ARHGAP42: variants seen among roughly 807,000 people sequenced by gnomAD.
The protein encoded by ARHGAP42 is Rho GTPase activating protein 42.
Under a neutral mutation model 125.0 loss-of-function variants are expected in ARHGAP42, and 63 were observed. The ratio of observed to expected loss-of-function variants is 0.50; its 90% CI spans 0.41 to 0.62. ARHGAP42 has a LOEUF of 0.62. Among genes scored for constraint, ARHGAP42 ranks in the 20% least tolerant of loss-of-function variants. The pLI is 0.00. For missense variants in ARHGAP42, 766 were observed against 1,024.2 expected (o/e 0.75, Z 3.44); for synonymous variants, 339 against 351.0 (o/e 0.97, Z 0.38).
At chr11:100,704,957 G>A (rs1237100885) in intron 1 of ARHGAP42, among the ~76,000 whole-genome samples, 3 of 110,718 alleles carry the variant, frequency 2.7e-5, no homozygotes, top group African/African-American at 3.9e-5. Context: ...CAGCCTGGGT[G>A]AGCCTGGGTG....
intron 1 of ARHGAP42, among the ~76,000 whole-genome samples, chr11:100,718,342 A>G (rs1436610810): frequency 1.3e-5 from 2 of 152,232 alleles, no homozygotes; most frequent in Admixed American, 1.3e-4. Context: ...AAGGTCAAGA[A>G]AGAATTTATT....
At chr11:100,728,027 A>G (rs1330237238) in intron 1 of ARHGAP42, among the ~76,000 whole-genome samples, 1 of 152,202 alleles carries the variant, frequency 6.6e-6, no homozygotes. Flanking sequence ...TAGGACACCC[A>G]GCTGGTGTTG....
intron 1 of ARHGAP42, among the ~76,000 whole-genome samples, chr11:100,749,670 G>T (rs573852096): frequency 2.0e-5 from 3 of 152,156 alleles, no homozygotes; most frequent in Non-Finnish European, 2.9e-5. Flanking sequence ...TAGGCGTACC[G>T]ATATAACTTC....
chr11:100,728,050 G>A (rs1276900883), intron 1 of ARHGAP42, among the ~76,000 whole-genome samples: 4 of 152,170 alleles, frequency 2.6e-5, no homozygotes, highest in Non-Finnish European at 5.9e-5. Flanking sequence ...GAATTGGTTG[G>A]TGAAAGGAAA....
chr11:100,893,478 T>C (rs1358919140), intron 4 of ARHGAP42, among the ~76,000 whole-genome samples: 1 of 152,092 alleles, frequency 6.6e-6, no homozygotes, highest in Non-Finnish European at 1.5e-5. Context: ...CAACAATGAA[T>C]AGCTGAAAAG....
intron 6 of ARHGAP42, among the ~76,000 whole-genome samples, chr11:100,927,843 A>T (rs538644816): frequency 1.2e-4 from 19 of 152,248 alleles, no homozygotes; most frequent in African/African-American, 4.6e-4. Flanking sequence ...AGTGCACGTA[A>T]TTGTCCATTC....
At chr11:100,780,761 A>C (rs1354104690) in intron 2 of ARHGAP42, among the ~76,000 whole-genome samples, 2 of 152,260 alleles carry the variant, frequency 1.3e-5, no homozygotes, top group African/African-American at 4.8e-5. Flanking sequence ...GATCTAAGCC[A>C]CAATGGGTGG....
Position 100,737,576 on chromosome 11 carries a change from G to A in ARHGAP42, c.155-32767G>A, listed in dbSNP as rs544244927. On this transcript the variant is annotated intron_variant, in intron 1 of 23. Transcript: ENST00000298815. ...TCATACTGGTGTCCCACCTTTCAAC[G>A]TTCGCAGGTATTCCAGATGGCCTGC... Among the ~76,000 whole-genome samples, 14 of 152,048 alleles carry A rather than the reference G, an allele frequency of 9.2e-5. No individual in the cohort carries two copies. The East Asian group carries it at 1.9e-3, about 21-fold the overall frequency.
chr11:100,983,559 G>A (rs904199956), intron 22 of ARHGAP42, among the ~76,000 whole-genome samples: 2 of 152,084 alleles, frequency 1.3e-5, no homozygotes, highest in African/African-American at 4.8e-5. Context: ...TCACTGTATT[G>A]TTGCTATCAT....
At chr11:100,929,819 A>G (rs1217656538) in intron 6 of ARHGAP42, among the ~76,000 whole-genome samples, 1 of 152,204 alleles carries the variant, frequency 6.6e-6, no homozygotes, top group Non-Finnish European at 1.5e-5. Flanking sequence ...TATGGGATAA[A>G]TGATTTTTGT....
intron 3 of ARHGAP42, 116 bp from the exon 4 acceptor site, chr11:100,859,438 A>T: frequency 2.6e-6 from 2 of 780,030 alleles, no homozygotes; most frequent in Non-Finnish European, 4.0e-6. Context: ...TTGTTTTTAT[A>T]GATGCAAACA....
chr11:100,815,971 C>A (rs772881342), intron 3 of ARHGAP42, among the ~76,000 whole-genome samples: 1 of 152,112 alleles, frequency 6.6e-6, no homozygotes, highest in Non-Finnish European at 1.5e-5. Context: ...TTGTAGCATG[C>A]GTCAGAATTT....
intron 1 of ARHGAP42, among the ~76,000 whole-genome samples, chr11:100,766,120 G>C (rs983045738): frequency 2.0e-5 from 3 of 152,070 alleles, no homozygotes; most frequent in Non-Finnish European, 4.4e-5. Flanking sequence ...AAACACTGTT[G>C]ACTAATTAAA....
In ARHGAP42 at chr11:100,761,936, C is replaced by T. The variant is rs1158372489; in HGVS notation, c.155-8407C>T. Reference sequence around the variant, plus strand: ...CTTCCTTTTGCACATGAGGAGCTTACGATTCAGAGGGGCTAAGTACTTGCT... The same window carrying T: ...CTTCCTTTTGCACATGAGGAGCTTATGATTCAGAGGGGCTAAGTACTTGCT... On this transcript the variant is annotated intron_variant, in intron 1 of 23. Transcript: ENST00000298815. Among the ~76,000 whole-genome samples, 8 of 152,284 alleles carry T rather than the reference C, an allele frequency of 5.3e-5. No individual in the cohort carries two copies. In the East Asian group the frequency reaches 7.7e-4, roughly 15 times the overall value.
At chr11:100,903,709 A>AAAAAAAAAAAATATATAT in intron 4 of ARHGAP42, among the ~76,000 whole-genome samples, 1 of 63,502 alleles carries the variant, frequency 1.6e-5, no homozygotes, top group Admixed American at 1.8e-4. Flanking sequence ...TGTCCCTCAA[A>AAAAAAAAAAAATATATAT]ATATATATAT....
chr11:100,912,258 A>G (rs896761081), intron 4 of ARHGAP42, among the ~76,000 whole-genome samples: 1 of 152,096 alleles, frequency 6.6e-6, no homozygotes, highest in Non-Finnish European at 1.5e-5. Context: ...CTAATCTAAT[A>G]CTTCCCTCTC....
chr11:100,755,771 T>G (rs1171562394), intron 1 of ARHGAP42, among the ~76,000 whole-genome samples: 1 of 152,210 alleles, frequency 6.6e-6, no homozygotes, highest in Non-Finnish European at 1.5e-5. Flanking sequence ...ACTTATTTCT[T>G]ATTTCCCCCC....
At chr11:100,814,637 A>C (rs752186098) in intron 3 of ARHGAP42, among the ~76,000 whole-genome samples, 22 of 152,206 alleles carry the variant, frequency 1.4e-4, no homozygotes, top group Non-Finnish European at 2.9e-4. Flanking sequence ...AAGTGGAAGT[A>C]GGAACATCTT....
At chr11:100,762,258 C>A (rs1053323576) in intron 1 of ARHGAP42, among the ~76,000 whole-genome samples, 1 of 152,178 alleles carries the variant, frequency 6.6e-6, no homozygotes, top group Non-Finnish European at 1.5e-5. Context: ...CTTTAAAGTG[C>A]CCAAACAACC....
Sources: gnomAD v4.1 joint callset for allele counts (sites outside exome capture counted in the v4.1 genomes callset) on GRCh38, gnomAD v4.1.1 for gene constraint, MANE v1.5 for transcripts, NCBI Gene and HGNC (gene_info 2026-07-23, HGNC 2026-07-21) for gene names.